The following TUSC3 variants were observed in gnomAD, a reference collection of about 807,000 sequenced individuals.
TUSC3 encodes tumor suppressor candidate 3.
TUSC3 carries 45 observed loss-of-function variants against 44.8 expected under a neutral mutation model. The observed-to-expected ratio is 1.00, with a 90% confidence interval of 0.79 to 1.29. The LOEUF is 1.29. Among genes scored for constraint, TUSC3 ranks in the 50% most tolerant of loss-of-function variants. The pLI, the probability that TUSC3 is intolerant of heterozygous loss-of-function variation, is 0.00. For synonymous variants in TUSC3, 212 were observed against 152.9 expected (o/e 1.39, Z -2.85); for missense variants, 519 against 437.9 (o/e 1.19, Z -1.65).
At chr8:15,520,141 C>A (rs750133456) in intron 2 of TUSC3, among the ~76,000 whole-genome samples, 1 of 152,134 alleles carries the variant, frequency 6.6e-6, no homozygotes, top group Non-Finnish European at 1.5e-5. Context: ...CACACAATCT[C>A]TTTGTCATCC....
chr8:15,650,558 A>C (rs574204734), intron 2 of TUSC3, 139 bp from the exon 3 acceptor site: 1 of 679,952 alleles, frequency 1.5e-6, no homozygotes, highest in East Asian at 2.7e-5. Flanking sequence ...TTTAAAAAAA[A>C]ATATTTTAAA....
At chr8:15,707,101 T>G (rs900931349) in intron 6 of TUSC3, among the ~76,000 whole-genome samples, 2 of 152,046 alleles carry the variant, frequency 1.3e-5, no homozygotes, top group Admixed American at 6.6e-5. Context: ...GTTAGTAGTT[T>G]ACTAAAAGTC....
At chr8:15,421,690 G>C (rs1339286303) in intron 1 of TUSC3, among the ~76,000 whole-genome samples, 2 of 152,088 alleles carry the variant, frequency 1.3e-5, no homozygotes, top group Non-Finnish European at 2.9e-5. Context: ...AACAGATACT[G>C]AATGTTAAAG....
intron 4 of TUSC3, among the ~76,000 whole-genome samples, chr8:15,660,807 A>T (rs889757501): frequency 6.6e-6 from 1 of 151,566 alleles, no homozygotes; most frequent in Non-Finnish European, 1.5e-5. Flanking sequence ...TTGAAAGGGT[A>T]CTATTGTTTC....
intron 1 of TUSC3, among the ~76,000 whole-genome samples, chr8:15,474,251 T>C (rs1346235431): frequency 6.6e-6 from 1 of 152,170 alleles, no homozygotes; most frequent in Non-Finnish European, 1.5e-5. Flanking sequence ...TTTTTCAAGG[T>C]GAACTGATTT....
chr8:15,583,665 A>T (rs181623664), intron 1 of TUSC3, among the ~76,000 whole-genome samples: 160 of 152,322 alleles, frequency 1.1e-3, no homozygotes, highest in African/African-American at 3.5e-3. Context: ...ATAGCAAGCT[A>T]ATTTGTACTG....
At chr8:15,684,091 G>T (rs553735243) in intron 6 of TUSC3, among the ~76,000 whole-genome samples, 3 of 144,682 alleles carry the variant, frequency 2.1e-5, no homozygotes, top group Admixed American at 6.9e-5. Context: ...TGCATTCACC[G>T]TAGTGCTCTG....
intron 7 of TUSC3, among the ~76,000 whole-genome samples, chr8:15,741,845 A>T (rs1811212789): frequency 6.6e-6 from 1 of 152,088 alleles, no homozygotes; most frequent in South Asian, 2.1e-4. Flanking sequence ...AAACTTAGTA[A>T]CTCCTTGTTA....
intron 1 of TUSC3, among the ~76,000 whole-genome samples, chr8:15,556,988 T>C (rs1049764912): frequency 6.7e-6 from 1 of 149,166 alleles, no homozygotes; most frequent in Non-Finnish European, 1.5e-5. Flanking sequence ...TCTTTTGCTG[T>C]GCAGAAGCTC....
At chr8:15,620,873 C>T (rs1585161174) in intron 1 of TUSC3, among the ~76,000 whole-genome samples, 1 of 152,138 alleles carries the variant, frequency 6.6e-6, no homozygotes, top group Non-Finnish European at 1.5e-5. Flanking sequence ...TGACCTTTTA[C>T]AGTTACTTAC....
the TUSC3 span, among the ~76,000 whole-genome samples, chr8:15,843,593 CATATATAT>C: frequency 1.1e-5 from 1 of 91,112 alleles, no homozygotes; most frequent in East Asian, 5.4e-4. Context: ...ACTTGATGTA[CATATATAT>C]ATATATATAT....
chr8:15,464,200 T>C (rs1016860334), intron 1 of TUSC3, among the ~76,000 whole-genome samples: 2 of 152,178 alleles, frequency 1.3e-5, no homozygotes, highest in African/African-American at 2.4e-5. Flanking sequence ...TGTGTTTCAA[T>C]AGAGCAAATA....
rs375287976 is a variant in TUSC3 at position 15,651,387 on chromosome 8, TTCTC to T, written c.426+577_426+580del. 1.7e-4 allele frequency among the ~76,000 whole-genome samples: 26 copies of T among 152,342 alleles called. No homozygotes were observed. In the East Asian group the frequency reaches 3.9e-3, roughly 23 times the overall value. Reference sequence around the variant, plus strand: ...GATTAAATATTTATTGACAAGTATTTTCTCTCTGTTTATGGACTGAATTGTATTT... The same window carrying T: ...GATTAAATATTTATTGACAAGTATTTTCTGTTTATGGACTGAATTGTATTT... On this transcript the variant is annotated intron_variant, in intron 3 of 10. Coordinates refer to ENST00000503731, the MANE Select transcript of TUSC3 (RefSeq NM_006765.4).
intron 1 of TUSC3, among the ~76,000 whole-genome samples, chr8:15,564,237 G>C (rs1490120238): frequency 6.6e-6 from 1 of 151,938 alleles, no homozygotes; most frequent in Non-Finnish European, 1.5e-5. Flanking sequence ...TTAATATTAT[G>C]GAGAATAGTA....
At chr8:15,575,160 T>A (rs1211780820) in intron 1 of TUSC3, among the ~76,000 whole-genome samples, 1 of 114,880 alleles carries the variant, frequency 8.7e-6, no homozygotes, top group Non-Finnish European at 2.0e-5. Context: ...GCGATAGATG[T>A]ATTTTTTTTG....
chr8:15,839,697 G>A, the TUSC3 span, among the ~76,000 whole-genome samples: 1 of 152,192 alleles, frequency 6.6e-6, no homozygotes, highest in African/African-American at 2.4e-5. Context: ...ACACCAGTTA[G>A]AATGGTGATC....
chr8:15,650,942 A>G lies in TUSC3; in HGVS notation c.426+128A>G, dbSNP rs1806874598. The G allele has an allele frequency of 2.4e-5, 21 of 862,686 alleles. No homozygotes were observed. The South Asian group carries it at 2.7e-4, about 11-fold the overall frequency. The allele number at this position is 862,686 out of a possible 1,614,324, so 53.4% of individuals were successfully genotyped here. A position where few individuals can be genotyped will look rare whatever the true frequency, so the allele number is the denominator to read the frequency against. ...GAGGCGGAGGTTGCAGTGAGCCGAG[A>G]TTGTGCCACTGCATTCCAGGTGGAG... On this transcript the variant is annotated intron_variant, in intron 3 of 10. Transcript: ENST00000503731.
chr8:15,573,893 T>TG (rs981859107), intron 1 of TUSC3, among the ~76,000 whole-genome samples: 13 of 151,982 alleles, frequency 8.6e-5, no homozygotes, highest in African/African-American at 2.2e-4. Flanking sequence ...GTTCCAAATA[T>TG]GGGGGGTGAT....
At chr8:15,659,010 C>T (rs1055856905) in intron 3 of TUSC3, among the ~76,000 whole-genome samples, 2 of 151,934 alleles carry the variant, frequency 1.3e-5, no homozygotes, top group African/African-American at 2.4e-5. Context: ...TTCATCATTA[C>T]AAAAAAGTAA....
Sources: gnomAD v4.1 joint callset for allele counts (sites outside exome capture counted in the v4.1 genomes callset) on GRCh38, gnomAD v4.1.1 for gene constraint, MANE v1.5 for transcripts, NCBI Gene and HGNC (gene_info 2026-07-23, HGNC 2026-07-21) for gene names.